HDAC2: variants seen among roughly 807,000 people sequenced by gnomAD.
The protein encoded by HDAC2 is histone deacetylase 2, also known as YY1-associated factor 1.
HDAC2 carries 5 observed loss-of-function variants against 68.5 expected under a neutral mutation model. That is an observed-to-expected ratio of 0.07 (90% CI 0.04 to 0.15). HDAC2 has a LOEUF of 0.15. HDAC2 is among the 10% of genes least tolerant of loss of function. HDAC2 has a pLI of 1.00. For synonymous variants in HDAC2, 182 were observed against 191.3 expected (o/e 0.95, Z 0.40); for missense variants, 291 against 600.8 (o/e 0.48, Z 5.39).
Position 113,949,022 on chromosome 6 carries a change from T to C in HDAC2, c.798A>G (p.Ser266=). ...AACAACCCAGTCTATCACCAGATAA[T>C]GAGTCTGCACCACACTGTAATACCA... is the stretch of plus-strand genomic sequence containing the variant. ...SAVVLQCGAD[S]LSGDRLGCFN... The change falls in exon 8 of 14, where the codon TCA becomes TCG. Residue 266 remains serine, a synonymous_variant. Transcript: ENST00000519065. 3.1e-6 allele frequency: 5 copies of C among 1,614,040 alleles called. No individual in the cohort carries two copies. Among genetic ancestry groups the C allele is most frequent in the Non-Finnish European group, 4.2e-6 (5 of 1,179,954 alleles).
intron 1 of HDAC2, chr6:113,968,301 C>T (rs1776874804): frequency 1.3e-5 from 2 of 152,106 alleles, no homozygotes; most frequent in Admixed American, 1.3e-4. Context: ...CAGATATAAC[C>T]CATTCCCAAT....
chr6:113,958,709 T>C lies in HDAC2; in HGVS notation c.223A>G (p.Lys75Glu). 1 of 1,610,302 alleles carries C rather than the reference T, an allele frequency of 6.2e-7. No individual in the cohort carries two copies. ...MTKYHSDEYI[K>E]FLRSIRPDNM... ...TCTGGTCTTATTGACCGTAGAAATT[T>C]GATATACTCATCACTGTGATATTTT... is the stretch of plus-strand genomic sequence containing the variant. The change falls in exon 3 of 14, where the codon AAA becomes GAA. Residue 75 changes from lysine (K) to glutamate (E), a missense_variant. By Grantham distance (56) the Lys-to-Glu change is moderately conservative. Transcript: ENST00000519065.
At chr6:113,948,828 G>A in intron 8 of HDAC2, 151 bp downstream of exon 8, 1 of 683,446 alleles carries the variant, frequency 1.5e-6, no homozygotes, top group Non-Finnish European at 2.4e-6. Context: ...AATAACTCTA[G>A]TCATACATAC....
At chr6:113,968,923 C>T (rs142841079) in intron 1 of HDAC2, among the ~76,000 whole-genome samples, 21 of 152,304 alleles carry the variant, frequency 1.4e-4, no homozygotes, top group African/African-American at 5.1e-4. Context: ...AGCTTACTTC[C>T]TCAGAGCCCA....
chr6:113,956,651 T>G lies in HDAC2; in HGVS notation c.326A>C (p.Glu109Ala). Reference protein sequence around the residue: ...EDCPVFDGLFEFCQLSTGGSV... With the variant: ...EDCPVFDGLFAFCQLSTGGSV... ...ACCGCCAGTTGAGAGCTGACAAAAC[T>G]CAAAGAGTCCATCAAACACTGGACA... Residue 109 changes from glutamate (E) to alanine (A), a missense_variant, in exon 4 of 14, where the codon GAG becomes GCG. By Grantham distance (107) the Glu-to-Ala change is moderately radical (BLOSUM62 -1). Around this residue, in one of 2 missense-constraint regions of HDAC2, gnomAD observed 154 missense variants for 472.1 expected, o/e 0.33. Transcript: ENST00000519065. 1 of 1,613,308 alleles carries G rather than the reference T, an allele frequency of 6.2e-7. No individual in the cohort carries two copies. The highest frequency in any genetic ancestry group is 8.5e-7 in the Non-Finnish European group (1 of 1,179,390).
At chr6:113,957,707 C>T (rs746781822) in intron 3 of HDAC2, among the ~76,000 whole-genome samples, 2 of 152,000 alleles carry the variant, frequency 1.3e-5, no homozygotes, top group African/African-American at 4.8e-5. Flanking sequence ...AGGCTGGTTT[C>T]GAACTCCTGA....
intron 6 of HDAC2, among the ~76,000 whole-genome samples, chr6:113,951,011 A>G (rs1776401124): frequency 6.6e-6 from 1 of 152,234 alleles, no homozygotes; most frequent in East Asian, 1.9e-4. Context: ...AAAACTTTAC[A>G]GTCCTACTGC....
chr6:113,937,322 T>C lies in HDAC2; in HGVS notation c.*3736A>G, dbSNP rs369304734. ...AAGATGTAGGTGACTAACTTCAATG[T>C]AAGAACTTCAAATAATTGCCCATTG... On this transcript the variant is annotated 3_prime_UTR_variant, in exon 14 of 14. Transcript: ENST00000519065. The C allele has an allele frequency of 2.0e-5, 3 of 152,198 alleles. No homozygotes were observed. The highest frequency in any genetic ancestry group is 3.9e-4 in the East Asian group (2 of 5,186). 9.4% of individuals were successfully genotyped at this position (152,198 alleles called of 1,614,324 possible). A position where few individuals can be genotyped will look rare whatever the true frequency, so the allele number is the denominator to read the frequency against.
intron 1 of HDAC2, among the ~76,000 whole-genome samples, chr6:113,967,077 T>C (rs141710548): frequency 1.5e-3 from 227 of 152,304 alleles, no homozygotes; most frequent in African/African-American, 4.5e-3. Context: ...AATCTGACAA[T>C]CGTTGGCTGC....
chr6:113,971,097 T>G lies in HDAC2; in HGVS notation c.-189A>C. 6.5e-7 allele frequency: 1 copy of G among 1,539,006 alleles called. No individual in the cohort carries two copies. On this transcript the variant is annotated 5_prime_UTR_variant, in exon 1 of 14. Transcript: ENST00000519065. ...AAGGCTCGGTACCACCCGGCAGAGG[T>G]GCCGAAAGCTCGGAATCGGAGGTGG...
At chr6:113,959,053 G>A (rs1776619892) in intron 2 of HDAC2, among the ~76,000 whole-genome samples, 1 of 152,046 alleles carries the variant, frequency 6.6e-6, no homozygotes, top group African/African-American at 2.4e-5. Context: ...AAATCCATAT[G>A]TTCATAAACT....
At chr6:113,958,850 C>A in intron 2 of HDAC2, 84 bp from the exon 3 acceptor site, 3 of 829,042 alleles carry the variant, frequency 3.6e-6, no homozygotes, top group Non-Finnish European at 6.1e-6. Context: ...ATTCCCCTAT[C>A]GGTCCCCTCA....
chr6:113,945,739 C>T (rs1251927365), intron 9 of HDAC2, among the ~76,000 whole-genome samples: 2 of 152,142 alleles, frequency 1.3e-5, no homozygotes, highest in African/African-American at 4.8e-5. Context: ...GTATTCAGTA[C>T]ATTACATGAA....
At position 113,940,935 on chromosome 6, in the gene HDAC2, T is replaced by TG. The variant is rs1776116569; in HGVS notation, c.*122dup. 1 of 644,646 alleles carries TG rather than the reference T, an allele frequency of 1.6e-6. No homozygotes were observed. The highest frequency in any genetic ancestry group is 3.4e-5 in the Admixed American group (1 of 29,594). The allele number at this position is 644,646 out of a possible 1,614,324, so 39.9% of individuals were successfully genotyped here. A position where few individuals can be genotyped will look rare whatever the true frequency, so the allele number is the denominator to read the frequency against. On this transcript the variant is annotated 3_prime_UTR_variant, in exon 14 of 14. Coordinates refer to ENST00000519065, the MANE Select transcript of HDAC2 (RefSeq NM_001527.4). ...GAAAAACAAAAACGAAAAAGCCATTTGAAAATAAATACAGTCCATGCCAAA... is the reference window on the plus strand; with the variant it reads ...GAAAAACAAAAACGAAAAAGCCATTTGGAAAATAAATACAGTCCATGCCAAA...
chr6:113,965,897 T>C (rs999218498), intron 1 of HDAC2, among the ~76,000 whole-genome samples: 2 of 152,230 alleles, frequency 1.3e-5, no homozygotes, highest in Non-Finnish European at 2.9e-5. Context: ...TCTTCCAAGT[T>C]TGAATTTATT....
intron 3 of HDAC2, 36 bp downstream of exon 3, chr6:113,958,613 T>TA: frequency 1.0e-6 from 1 of 982,052 alleles, no homozygotes; most frequent in Non-Finnish European, 1.6e-6. Flanking sequence ...AATTTACATT[T>TA]ATCAAAGCAA....
chr6:113,945,870 T>C, intron 9 of HDAC2, 138 bp downstream of exon 9: 1 of 709,920 alleles, frequency 1.4e-6, no homozygotes, highest in South Asian at 1.9e-5. Flanking sequence ...GTTTGGTAGG[T>C]TAAGTGTATT....
At chr6:113,967,545 T>TA (rs1776852886) in intron 1 of HDAC2, among the ~76,000 whole-genome samples, 1 of 152,150 alleles carries the variant, frequency 6.6e-6, no homozygotes, top group Non-Finnish European at 1.5e-5. Context: ...GAGGAAAAAA[T>TA]AGAGCACAGA....
chr6:113,963,614 A>T (rs762988450), intron 1 of HDAC2, among the ~76,000 whole-genome samples: 25 of 152,238 alleles, frequency 1.6e-4, no homozygotes, highest in Non-Finnish European at 2.9e-4. Context: ...GGAGCATGTC[A>T]AATTTTTGAT....
Sources: allele counts gnomAD v4.1 joint callset (sites outside exome capture counted in the v4.1 genomes callset), GRCh38; gene constraint gnomAD v4.1.1; regional missense constraint gnomAD v4.1.1; transcripts MANE v1.5; gene names NCBI Gene and HGNC (gene_info 2026-07-23, HGNC 2026-07-21).